Variants in KIF21B observed in about 807,000 individuals in gnomAD.
The protein encoded by KIF21B is kinesin-like protein KIF21B.
Under a neutral mutation model 192.9 loss-of-function variants are expected in KIF21B, and 85 were observed. The observed-to-expected ratio is 0.44, with a 90% CI of 0.37 to 0.53. The LOEUF (loss-of-function observed/expected upper bound fraction) is 0.53. Among genes scored for constraint, KIF21B ranks in the 20% least tolerant of loss-of-function variants. KIF21B has a pLI of 0.00. For missense variants in KIF21B, 1,716 were observed against 2,194.8 expected, an observed-to-expected ratio of 0.78 and a Z score of 4.36; for synonymous variants, 832 against 884.6, an observed-to-expected ratio of 0.94 and a Z score of 1.05.
At chr1:200,992,904 T>C (rs1656798424) in intron 15 of KIF21B, among the ~76,000 whole-genome samples, 1 of 152,200 alleles carries the variant, frequency 6.6e-6, no homozygotes, top group Admixed American at 6.5e-5. Flanking sequence ...ATGACAATCA[T>C]GAGAGAGGCA....
chr1:201,022,431 A>G (rs567912287), intron 1 of KIF21B, among the ~76,000 whole-genome samples: 2 of 152,324 alleles, frequency 1.3e-5, no homozygotes, highest in South Asian at 2.1e-4. Context: ...TCTCAAAGAG[A>G]AAAACCCAAA....
intron 1 of KIF21B, among the ~76,000 whole-genome samples, chr1:201,010,231 G>C (rs957729999): frequency 7.2e-5 from 11 of 152,150 alleles, no homozygotes; most frequent in South Asian, 2.1e-4. Context: ...GGAGTTGGGC[G>C]GGGGAGGGCA....
Position 201,000,884 on chromosome 1 carries a change from G to T in KIF21B, c.1403-104C>A. 5 of 1,127,592 alleles carry T rather than the reference G, an allele frequency of 4.4e-6. No homozygotes were observed. In the South Asian group the frequency reaches 6.3e-5, roughly 14 times the overall value. 69.8% of individuals were successfully genotyped at this position (1,127,592 alleles called of 1,614,324 possible). On this transcript the variant is annotated intron_variant, in intron 9 of 34. Coordinates refer to ENST00000461742, the MANE Select transcript of KIF21B (RefSeq NM_001252102.2). The surrounding 1 kb of genome is among the most constrained non-coding windows in gnomAD (Gnocchi z 6.0). ...GCACTTTGGGAGGCCAAGGCGGGCG[G>T]ATCACCTGAGGCTGGGAGTTCGAGA...
intron 34 of KIF21B, among the ~76,000 whole-genome samples, chr1:200,974,420 ACGGGG>A (rs1157286798): frequency 6.6e-6 from 1 of 152,102 alleles, no homozygotes; most frequent in African/African-American, 2.4e-5. Context: ...AGATACCTGC[ACGGGG>A]GAAGACAGCC....
In KIF21B at chr1:201,009,508, C is replaced by A; in HGVS notation, c.42-20G>T. 3.1e-6 allele frequency: 5 copies of A among 1,608,106 alleles called. No individual in the cohort carries two copies. Among genetic ancestry groups the A allele is most frequent in the South Asian group, 2.2e-5 (2 of 90,498 alleles). On this transcript the variant is annotated intron_variant, in intron 1 of 34. Transcript: ENST00000461742. ...CGGATCCTGCCCATGATGGAGAGAG[C>A]CCTGGGTCAGGCCCAGCTAGAAGGG...
In KIF21B at chr1:201,019,882, TC is replaced by T. The variant is rs565106043; in HGVS notation, c.41+3460del. On this transcript the variant is annotated intron_variant, in intron 1 of 34. Coordinates refer to ENST00000461742, the MANE Select transcript of KIF21B (RefSeq NM_001252102.2). ...TCTTCTGTCTTCTTCAGTCTTTCTC[TC>T]CCAAGCCACCACTGCTCTTGGTTCA... Among the ~76,000 whole-genome samples, 6 of 152,210 alleles carry T rather than the reference TC, an allele frequency of 3.9e-5. No homozygotes were observed. The East Asian group carries it at 1.2e-3, about 29-fold the overall frequency.
At position 200,973,352 on chromosome 1, in the gene KIF21B, A is replaced by C; in HGVS notation, c.*169T>G. ...GCTCCTGAGAGGCAGGGGAGGGATG[A>C]GGGAACAGTGTCCTGTGGGAAGGCC... On this transcript the variant is annotated 3_prime_UTR_variant, in exon 35 of 35. Coordinates refer to ENST00000461742, the MANE Select transcript of KIF21B (RefSeq NM_001252102.2). The C allele has an allele frequency of 1.4e-6, 1 of 736,960 alleles. No homozygotes were observed. The highest frequency in any genetic ancestry group is 2.0e-6 in the Non-Finnish European group (1 of 512,238). 45.7% of individuals were successfully genotyped at this position (736,960 alleles called of 1,614,324 possible). A position where few individuals can be genotyped will look rare whatever the true frequency, so the allele number is the denominator to read the frequency against.
At chr1:201,005,199 G>C (rs1657738307) in intron 5 of KIF21B, 109 bp downstream of exon 5, 2 of 1,417,478 alleles carry the variant, frequency 1.4e-6, no homozygotes, top group South Asian at 2.8e-5. Context: ...AAATGGCAGA[G>C]GCCAGCCTCA....
At chr1:200,986,155 T>A (rs1656288501) in intron 26 of KIF21B, among the ~76,000 whole-genome samples, 4 of 151,680 alleles carry the variant, frequency 2.6e-5, no homozygotes, top group Admixed American at 2.6e-4. Flanking sequence ...ATTTCTAATC[T>A]TCTCTCACAC....
chr1:200,993,293 G>A (rs1656825121), intron 15 of KIF21B, among the ~76,000 whole-genome samples: 1 of 152,216 alleles, frequency 6.6e-6, no homozygotes, highest in South Asian at 2.1e-4. Context: ...GGGGCATAAG[G>A]AACACATGAC....
intron 34 of KIF21B, 116 bp downstream of exon 34, chr1:200,974,598 G>T: frequency 1.9e-6 from 2 of 1,073,946 alleles, no homozygotes; most frequent in Non-Finnish European, 2.8e-6. Context: ...CATGGAATCT[G>T]CTCTGTGAAC....
At chr1:201,016,581 C>A (rs916413489) in intron 1 of KIF21B, among the ~76,000 whole-genome samples, 2 of 152,198 alleles carry the variant, frequency 1.3e-5, no homozygotes, top group Admixed American at 6.5e-5. Context: ...TAGCTGACAG[C>A]CCAGACAAAG....
chr1:201,004,888 T>C lies in KIF21B; in HGVS notation c.778A>G (p.Ser260Gly), dbSNP rs1485307904. The C allele has an allele frequency of 6.2e-7, 1 of 1,613,130 alleles. No homozygotes were observed. The highest frequency in any genetic ancestry group is 8.5e-7 in the Non-Finnish European group (1 of 1,179,280). ...TGLPDGTPPS[S>G]EYETLTAKFH... is the part of the protein sequence containing the mutation. ...TTAGCAGTGAGTGTCTCATACTCAC[T>C]CGAGGGAGGTGTACCATCAGGAAGC... Residue 260 changes from serine to glycine, a missense_variant, in exon 6 of 35, where the codon AGT becomes GGT. Physicochemically the swap from Ser to Gly is moderately conservative, Grantham distance 56. Coordinates refer to ENST00000461742, the MANE Select transcript of KIF21B (RefSeq NM_001252102.2).
chr1:200,974,609 C>T (rs1455450715), intron 34 of KIF21B, 105 bp downstream of exon 34: 11 of 1,220,192 alleles, frequency 9.0e-6, no homozygotes, highest in East Asian at 4.7e-5. Context: ...CTCTGTGAAC[C>T]GAGCCTGCGG....
In KIF21B at chr1:200,991,075, C is replaced by T; in HGVS notation, c.2529G>A (p.Met843Ile). 6.2e-7 allele frequency: 1 copy of T among 1,614,134 alleles called. No homozygotes were observed. Among genetic ancestry groups the T allele is most frequent in the Non-Finnish European group, 8.5e-7 (1 of 1,180,046 alleles). ...CCGACACCTCAGCCCCAGAGTCCAGCATGGGTGGCTTTAGTCCTGCACGCC... is the reference window on the plus strand; with the variant it reads ...CCGACACCTCAGCCCCAGAGTCCAGTATGGGTGGCTTTAGTCCTGCACGCC... ...VAGRAGLKPPMLDSGAEVSAS... is the reference protein window; with the variant it reads ...VAGRAGLKPPILDSGAEVSAS... Residue 843 changes from methionine to isoleucine, a missense_variant, in exon 18 of 35, where the codon ATG becomes ATA. Coordinates refer to ENST00000461742, the MANE Select transcript of KIF21B (RefSeq NM_001252102.2).
At chr1:200,985,025 C>A (rs778485898) in intron 26 of KIF21B, 53 bp from the exon 27 acceptor site, 65 of 1,334,310 alleles carry the variant, frequency 4.9e-5, no homozygotes, top group Non-Finnish European at 6.6e-5. Flanking sequence ...TGCCCACAGG[C>A]CCCTACTTGG....
At chr1:200,974,684 C>G in intron 34 of KIF21B, 30 bp downstream of exon 34, 1 of 1,609,412 alleles carries the variant, frequency 6.2e-7, no homozygotes, top group Non-Finnish European at 8.5e-7. Flanking sequence ...GATGAGGGAG[C>G]AGAGGCAGAC....
rs1657256484 is a variant in KIF21B, at chr1:200,998,838, C to T, written c.1886-263G>A. On this transcript the variant is annotated intron_variant, in intron 13 of 34. Coordinates refer to ENST00000461742, the MANE Select transcript of KIF21B (RefSeq NM_001252102.2). This position sits in a 1 kb window ranked among gnomAD's most constrained non-coding sequence, Gnocchi z 4.3. ...CACGTCCTTCCCAGCCATTCGAGGC[C>T]AGCATCCACCTGTTCCAGATGACAT... Among the ~76,000 whole-genome samples the T allele has an allele frequency of 6.6e-6, 1 of 152,170 alleles. No homozygotes were observed. Among genetic ancestry groups the T allele is most frequent in the Non-Finnish European group, 1.5e-5 (1 of 68,042 alleles).
At position 201,002,639 on chromosome 1, in the gene KIF21B, A is replaced by T. The variant is rs376593715; in HGVS notation, c.1213-289T>A. On this transcript the variant is annotated intron_variant, in intron 8 of 34. Transcript: ENST00000461742. ...TTCCACAGTGTATTTTCATATCTCC[A>T]TAAAGTCTAGTCCAAGGGTCAAAAC... The T allele has an allele frequency of 1.0e-5, 4 of 385,862 alleles. No individual in the cohort carries two copies. In the East Asian group the frequency reaches 1.4e-4, roughly 14 times the overall value. The allele number at this position is 385,862 out of a possible 1,614,324, so 23.9% of individuals were successfully genotyped here. A position where few individuals can be genotyped will look rare whatever the true frequency, so the allele number is the denominator to read the frequency against.
Sources: allele counts gnomAD v4.1 joint callset (sites outside exome capture counted in the v4.1 genomes callset), GRCh38; gene constraint gnomAD v4.1.1; non-coding constraint Gnocchi (gnomAD v3.1); transcripts MANE v1.5; gene names NCBI Gene and HGNC (gene_info 2026-07-23, HGNC 2026-07-21).